PPDPFL: variants seen among roughly 807,000 people sequenced by gnomAD.
PPDPFL encodes the protein pancreatic progenitor cell differentiation and proliferation factor-like protein.
A neutral mutation model predicts 12.6 loss-of-function variants in PPDPFL; 12 were observed. The ratio of observed to expected loss-of-function variants is 0.95; its 90% CI spans 0.61 to 1.54. PPDPFL has a LOEUF of 1.54. PPDPFL is among the 40% of genes most tolerant of loss of function. The probability of loss-of-function intolerance (pLI) is 0.00; values close to 1 mark genes in which losing one functional copy is unlikely to be tolerated. For synonymous variants in PPDPFL, 24 were observed against 32.7 expected, an observed-to-expected ratio of 0.73 and a Z score of 0.91; for missense variants, 114 against 96.0, an observed-to-expected ratio of 1.19 and a Z score of -0.78.
At chr8:49,064,538 T>C (rs935896084) in intron 1 of PPDPFL, among the ~76,000 whole-genome samples, 8 of 152,160 alleles carry the variant, frequency 5.3e-5, no homozygotes, top group Non-Finnish European at 1.0e-4. Flanking sequence ...ATGTGGGGCC[T>C]GGCAGTGCCG....
chr8:49,075,917 T>G lies in PPDPFL; in HGVS notation c.*744T>G, dbSNP rs1247794719. ...CGTAGTTGTATTAAAAAGTTACATA[T>G]GCATAAAGATAGACTGGAAGGAACT... On this transcript the variant is annotated 3_prime_UTR_variant, in exon 5 of 5. Coordinates refer to ENST00000522267, the MANE Select transcript of PPDPFL (RefSeq NM_001256597.2). 3 of 152,216 alleles carry G rather than the reference T, an allele frequency of 2.0e-5. No individual in the cohort carries two copies. The highest frequency in any genetic ancestry group is 7.2e-5 in the African/African-American group (3 of 41,448). The allele number at this position is 152,216 out of a possible 1,614,324, so 9.4% of individuals were successfully genotyped here. A position where few individuals can be genotyped will look rare whatever the true frequency, so the allele number is the denominator to read the frequency against.
rs575100092 is a variant in PPDPFL, at chr8:49,075,066, C to G, written c.234-86C>G. 17 of 1,544,080 alleles carry G rather than the reference C, an allele frequency of 1.1e-5. No individual in the cohort carries two copies. In the African/African-American group the frequency reaches 2.3e-4, roughly 21 times the overall value. On this transcript the variant is annotated intron_variant, in intron 4 of 4. Transcript: ENST00000522267. ...GTTGGAAAGATGTTTTCTTGACACT[C>G]TTTATCAAGTTTATTCATTTGAATT...
intron 1 of PPDPFL, among the ~76,000 whole-genome samples, chr8:49,058,864 T>G (rs1267295373): frequency 1.3e-5 from 2 of 152,246 alleles, no homozygotes; most frequent in Non-Finnish European, 2.9e-5. Flanking sequence ...CCCACTTTGA[T>G]GCCATGCAAA....
chr8:49,070,534 A>G (rs1451100990), upstream of PPDPFL, among the ~76,000 whole-genome samples: 2 of 152,248 alleles, frequency 1.3e-5, no homozygotes, highest in African/African-American at 4.8e-5. Flanking sequence ...GAATTAAAGC[A>G]TAACAGAAAA....
At chr8:49,060,523 G>A (rs1449870008) in intron 1 of PPDPFL, among the ~76,000 whole-genome samples, 1 of 152,114 alleles carries the variant, frequency 6.6e-6, no homozygotes, top group African/African-American at 2.4e-5. Flanking sequence ...ATGTTGGTCA[G>A]GCTGGTCTCG....
intron 1 of PPDPFL, among the ~76,000 whole-genome samples, chr8:49,062,280 C>T (rs906808019): frequency 6.6e-6 from 1 of 152,140 alleles, no homozygotes; most frequent in Admixed American, 6.5e-5. Flanking sequence ...GCATCTAACA[C>T]CCTGGCAAGG....
At position 49,074,242 on chromosome 8, in the gene PPDPFL, G is replaced by A; in HGVS notation, c.142G>A (p.Glu48Lys). Residue 48 changes from glutamate to lysine, a missense_variant, in exon 4 of 5, where the codon GAA becomes AAA. Glu to Lys is a moderately conservative substitution (Grantham distance 56). Transcript: ENST00000522267. ...TGAATTTTATTTAATAGGGTTGCCT[G>A]AAGTGGCAGAATCCACCTGGTGGTT... is the stretch of plus-strand genomic sequence containing the variant. ...DDDKPQQGLPEVAESTWWFKS... is the reference protein window; with the variant it reads ...DDDKPQQGLPKVAESTWWFKS... The A allele has an allele frequency of 6.2e-7, 1 of 1,613,786 alleles. No individual in the cohort carries two copies. Among genetic ancestry groups the A allele is most frequent in the Non-Finnish European group, 8.5e-7 (1 of 1,179,696 alleles).
intron 1 of PPDPFL, among the ~76,000 whole-genome samples, chr8:49,062,058 A>G (rs1224344985): frequency 6.6e-6 from 1 of 152,220 alleles, no homozygotes; most frequent in Non-Finnish European, 1.5e-5. Context: ...TTGGACAAAT[A>G]ACCTGCATGA....
At chr8:49,068,252 T>A (rs1234217740), upstream of PPDPFL, among the ~76,000 whole-genome samples, 1 of 152,128 alleles carries the variant, frequency 6.6e-6, no homozygotes, top group Non-Finnish European at 1.5e-5. Flanking sequence ...GTAAATAACT[T>A]AATAAAATGT....
intron 1 of PPDPFL, among the ~76,000 whole-genome samples, chr8:49,061,560 CG>C (rs1808204495): frequency 6.6e-6 from 1 of 152,136 alleles, no homozygotes; most frequent in Non-Finnish European, 1.5e-5. Context: ...GCACCATCTC[CG>C]GTGTTTGAGA....
chr8:49,063,189 A>T (rs2129244210), intron 1 of PPDPFL, among the ~76,000 whole-genome samples: 1 of 152,290 alleles, frequency 6.6e-6, no homozygotes, highest in East Asian at 1.9e-4. Flanking sequence ...CACTGGTCGT[A>T]ATGGCCAGTT....
intron 1 of PPDPFL, among the ~76,000 whole-genome samples, chr8:49,064,324 T>G (rs991233168): frequency 3.9e-5 from 6 of 152,004 alleles, no homozygotes; most frequent in African/African-American, 1.2e-4. Context: ...TCAGAAGAGG[T>G]GCTGGTCAGG....
At chr8:49,062,395 A>G (rs1243033934) in intron 1 of PPDPFL, among the ~76,000 whole-genome samples, 1 of 152,242 alleles carries the variant, frequency 6.6e-6, no homozygotes, top group East Asian at 1.9e-4. Flanking sequence ...GTGGTTGAAG[A>G]AAGGGTAAAA....
At chr8:49,071,467 C>T (rs918589264), upstream of PPDPFL, among the ~76,000 whole-genome samples, 11 of 152,114 alleles carry the variant, frequency 7.2e-5, no homozygotes, top group African/African-American at 2.7e-4. Context: ...ACCATCCTGG[C>T]TAACACGGTG....
upstream of PPDPFL, among the ~76,000 whole-genome samples, chr8:49,069,951 A>G (rs918784025): frequency 3.3e-5 from 5 of 152,208 alleles, no homozygotes; most frequent in Non-Finnish European, 7.3e-5. Flanking sequence ...ATGTATGTTC[A>G]TTGCAGCACT....
chr8:49,067,585 A>G (rs1808318953), upstream of PPDPFL, among the ~76,000 whole-genome samples: 1 of 152,236 alleles, frequency 6.6e-6, no homozygotes, highest in Non-Finnish European at 1.5e-5. Flanking sequence ...TGTTCTTGCC[A>G]TGGATTTCCA....
intron 1 of PPDPFL, among the ~76,000 whole-genome samples, chr8:49,066,948 C>T (rs1350997757): frequency 6.6e-6 from 1 of 152,150 alleles, no homozygotes; most frequent in Non-Finnish European, 1.5e-5. Flanking sequence ...CTGGAGAATC[C>T]TGCTCATGAG....
intron 2 of PPDPFL, among the ~76,000 whole-genome samples, chr8:49,073,095 T>C (rs948017762): frequency 4.6e-5 from 7 of 152,240 alleles, no homozygotes; most frequent in Non-Finnish European, 2.9e-5. Context: ...GTTGAAGCCA[T>C]TGACACTTAA....
At position 49,072,998 on chromosome 8, in the gene PPDPFL, T is replaced by C. The variant is rs542975189; in HGVS notation, c.55+113T>C. On this transcript the variant is annotated intron_variant, in intron 2 of 4. Transcript: ENST00000522267. The stretch of plus-strand genomic sequence containing the variant: ...CTTCAGAACTTAAGGGAGAGAACTA[T>C]TGGTGACAATGAAGAAAGCAGGAGG... The C allele has an allele frequency of 2.0e-5, 19 of 954,566 alleles. No individual in the cohort carries two copies. In the Admixed American group the frequency reaches 3.9e-4, roughly 20 times the overall value. The allele number at this position is 954,566 out of a possible 1,614,324, so 59.1% of individuals were successfully genotyped here.
Sources: allele counts gnomAD v4.1 joint callset (sites outside exome capture counted in the v4.1 genomes callset), GRCh38; gene constraint gnomAD v4.1.1; transcripts MANE v1.5; gene names NCBI Gene and HGNC (gene_info 2026-07-23, HGNC 2026-07-21).